The following SLC17A9 variants were observed in gnomAD, a reference collection of about 807,000 sequenced individuals.
The protein encoded by SLC17A9 is voltage-gated purine nucleotide uniporter SLC17A9.
A neutral mutation model predicts 55.0 loss-of-function variants in SLC17A9; 49 were observed. The ratio of observed to expected loss-of-function variants is 0.89; its 90% CI spans 0.71 to 1.13. The LOEUF (loss-of-function observed/expected upper bound fraction) is 1.13. SLC17A9 is among the 50% of genes most tolerant of loss of function. The pLI is 0.00. For synonymous variants in SLC17A9, 256 were observed against 247.4 expected, an observed-to-expected ratio of 1.03 and a Z score of -0.32; for missense variants, 526 against 569.3, an observed-to-expected ratio of 0.92 and a Z score of 0.77.
At position 62,952,804 on chromosome 20, in the gene SLC17A9, C is replaced by A; in HGVS notation, c.-27C>A. 6.5e-7 allele frequency: 1 copy of A among 1,534,164 alleles called. No individual in the cohort carries two copies. The highest frequency in any genetic ancestry group is 8.7e-7 in the Non-Finnish European group (1 of 1,145,050). On this transcript the variant is annotated 5_prime_UTR_variant, in exon 1 of 13. Transcript: ENST00000370351. ...AGGCAGCCCCGGGACACAGCTGTGC[C>A]CACGCCGTCTGAGCACCCCAAGCCC...
chr20:62,966,842 G>A, intron 12 of SLC17A9, 110 bp downstream of exon 12: 2 of 1,398,176 alleles, frequency 1.4e-6, no homozygotes, highest in Non-Finnish European at 1.9e-6. Context: ...CCGGGTGTCA[G>A]AGGAGGGCAC....
chr20:62,963,171 C>A, intron 5 of SLC17A9, 102 bp from the exon 6 acceptor site: 2 of 1,217,810 alleles, frequency 1.6e-6, no homozygotes, highest in Non-Finnish European at 2.3e-6. Flanking sequence ...ATGGACGAGG[C>A]CTGCTGACCC....
At position 62,957,649 on chromosome 20, in the gene SLC17A9, G is replaced by T. The variant is rs987923508; in HGVS notation, c.397+69G>T. On this transcript the variant is annotated intron_variant, in intron 3 of 12. Coordinates refer to ENST00000370351, the MANE Select transcript of SLC17A9 (RefSeq NM_022082.4). ...GTGGGGAGACAAGGGGGGTGTGCACGGATGTGTGTGCAGGTGCATGCGTGC... is the reference window on the plus strand; with the variant it reads ...GTGGGGAGACAAGGGGGGTGTGCACTGATGTGTGTGCAGGTGCATGCGTGC... 3.7e-5 allele frequency: 50 copies of T among 1,359,258 alleles called. No homozygotes were observed. The South Asian group carries it at 6.9e-4, about 19-fold the overall frequency. 84.2% of individuals were successfully genotyped at this position (1,359,258 alleles called of 1,614,324 possible). A position where few individuals can be genotyped will look rare whatever the true frequency, so the allele number is the denominator to read the frequency against.
At chr20:62,964,049 G>A in intron 7 of SLC17A9, 179 bp from the exon 8 acceptor site, 1 of 687,214 alleles carries the variant, frequency 1.5e-6, no homozygotes, top group Non-Finnish European at 2.6e-6. Context: ...CTCTGAGGCT[G>A]TCTTGCTGCC....
At chr20:62,967,102 G>T in intron 12 of SLC17A9, 2 of 592,844 alleles carry the variant, frequency 3.4e-6, no homozygotes, top group South Asian at 4.3e-5. Flanking sequence ...GGACAAAGGG[G>T]ACTTGTTACC....
intron 3 of SLC17A9, among the ~76,000 whole-genome samples, chr20:62,959,958 G>C (rs2065575120): frequency 6.6e-6 from 1 of 152,226 alleles, no homozygotes; most frequent in Admixed American, 6.5e-5. Flanking sequence ...GAGAACACTT[G>C]GTCCAAAAGA....
intron 9 of SLC17A9, 115 bp downstream of exon 9, chr20:62,965,281 G>A (rs1460814869): frequency 8.7e-6 from 12 of 1,383,910 alleles, no homozygotes; most frequent in South Asian, 4.7e-5. Flanking sequence ...GCAAATGCCA[G>A]GCCTCTCCAT....
chr20:62,963,559 C>G, intron 6 of SLC17A9, 25 bp from the exon 7 acceptor site: 1 of 1,574,064 alleles, frequency 6.4e-7, no homozygotes, highest in Non-Finnish European at 8.6e-7. Context: ...GCACCAGAGT[C>G]ACGGTCCACC....
intron 1 of SLC17A9, among the ~76,000 whole-genome samples, chr20:62,954,553 C>T (rs147497168): frequency 9.8e-4 from 149 of 152,334 alleles, no homozygotes; most frequent in African/African-American, 3.3e-3. Flanking sequence ...CAAAGCTTTC[C>T]GGTTCTTGGC....
chr20:62,963,081 G>A (rs3810460), intron 5 of SLC17A9, 192 bp from the exon 6 acceptor site: 368,729 of 668,988 alleles, frequency 0.55, 104,364 homozygotes, highest in East Asian at 0.73. Flanking sequence ...TTCAGAACGC[G>A]GTTCTCAAAG....
At chr20:62,959,187 T>A (rs1240013302) in intron 3 of SLC17A9, among the ~76,000 whole-genome samples, 1 of 152,200 alleles carries the variant, frequency 6.6e-6, no homozygotes, top group African/African-American at 2.4e-5. Context: ...CGGACTGGGC[T>A]GACCAATGCC....
chr20:62,957,730 CTG>C lies in SLC17A9; in HGVS notation c.397+161_397+162del, dbSNP rs1271825979. ...GGCATGCCCGCGTGCATGCGTGCAC[CTG>C]TGTGTGTGTGCGTGTGTAAGTGTGT... On this transcript the variant is annotated intron_variant, in intron 3 of 12. Coordinates refer to ENST00000370351, the MANE Select transcript of SLC17A9 (RefSeq NM_022082.4). 231 of 602,086 alleles carry C rather than the reference CTG, an allele frequency of 3.8e-4. 1 individual carries two copies. The highest frequency in any genetic ancestry group is 3.1e-3 in the East Asian group (89 of 28,874). 37.3% of individuals were successfully genotyped at this position (602,086 alleles called of 1,614,324 possible).
rs1300099583 is a variant in SLC17A9 at position 62,969,012 on chromosome 20, A to G, written c.*1512A>G. 6.6e-6 allele frequency: 1 copy of G among 152,172 alleles called. No individual in the cohort carries two copies. Among genetic ancestry groups the G allele is most frequent in the Non-Finnish European group, 1.5e-5 (1 of 68,058 alleles). The allele number at this position is 152,172 out of a possible 1,614,324, so 9.4% of individuals were successfully genotyped here. A position where few individuals can be genotyped will look rare whatever the true frequency, so the allele number is the denominator to read the frequency against. ...CACCATGGGTACAGCCTAGAGCATC[A>G]CCCCCACAGAGGCTTCGGGACGGTC... is the stretch of plus-strand genomic sequence containing the variant. On this transcript the variant is annotated 3_prime_UTR_variant, in exon 13 of 13. Coordinates refer to ENST00000370351, the MANE Select transcript of SLC17A9 (RefSeq NM_022082.4).
rs765634710 is a variant in SLC17A9, at chr20:62,957,624, G to C, written c.397+44G>C. The C allele has an allele frequency of 6.8e-6, 10 of 1,472,706 alleles. No homozygotes were observed. In the South Asian group the frequency reaches 1.4e-4, roughly 21 times the overall value. 91.2% of individuals were successfully genotyped at this position (1,472,706 alleles called of 1,614,324 possible). A position where few individuals can be genotyped will look rare whatever the true frequency, so the allele number is the denominator to read the frequency against. ...GCTCCCTCACGCTCTCTGGCACCAG[G>C]TGGGGAGACAAGGGGGGTGTGCACG... is the stretch of plus-strand genomic sequence containing the variant. On this transcript the variant is annotated intron_variant, in intron 3 of 12. Coordinates refer to ENST00000370351, the MANE Select transcript of SLC17A9 (RefSeq NM_022082.4).
In SLC17A9 at chr20:62,957,186, C is replaced by T. The variant is rs900584479; in HGVS notation, c.257+224C>T. ...GGATAAATCTGGGCAGAAGACCCCC[C>T]CAGAGGAAGATGGGAGCTGGGAGGG... On this transcript the variant is annotated intron_variant, in intron 2 of 12. Transcript: ENST00000370351. 17 of 985,012 alleles carry T rather than the reference C, an allele frequency of 1.7e-5. No individual in the cohort carries two copies. The African/African-American group carries it at 2.6e-4, about 15-fold the overall frequency. The allele number at this position is 985,012 out of a possible 1,614,324, so 61.0% of individuals were successfully genotyped here.
chr20:62,953,281 C>T, intron 1 of SLC17A9: 2 of 1,548,930 alleles, frequency 1.3e-6, no homozygotes, highest in Non-Finnish European at 1.7e-6. Flanking sequence ...AGGTAGGGGG[C>T]ACGGGCTGGA....
chr20:62,962,611 CCT>C lies in SLC17A9; in HGVS notation c.498-12_498-11del, dbSNP rs764260097. ...CGCTGAGGGGCCTGGCCACACTCCC[CCT>C]GTCTTTGCAGGACGCTGCTGACCGG... On this transcript the variant is annotated splice_polypyrimidine_tract_variant and intron_variant, in intron 4 of 12. Transcript: ENST00000370351. The surrounding 1 kb of genome is among the most constrained non-coding windows in gnomAD (Gnocchi z 5.5). The C allele has an allele frequency of 2.4e-5, 39 of 1,613,312 alleles. No individual in the cohort carries two copies. In the Admixed American group the frequency reaches 4.8e-4, roughly 20 times the overall value.
At chr20:62,959,363 CACATTCTGTTTTCTAGAA>C (rs2065569392) in intron 3 of SLC17A9, among the ~76,000 whole-genome samples, 2 of 152,226 alleles carry the variant, frequency 1.3e-5, no homozygotes, top group African/African-American at 4.8e-5. Flanking sequence ...GCACCTGAGG[CACATTCTGTTTTCTAGAA>C]ACCTTCAAAG....
At position 62,963,374 on chromosome 20, in the gene SLC17A9, GCTGGGA is replaced by G. The variant is rs1568916080; in HGVS notation, c.725+7_725+12del. On this transcript the variant is annotated splice_donor_region_variant and intron_variant, in intron 6 of 12. Transcript: ENST00000370351. Reference sequence around the variant, plus strand: ...CTTCCGGAAGCCTGCTGTCTGGTGAGCTGGGACCTGTGCCACCCCTTGGAGCAGCGG... The same window carrying G: ...CTTCCGGAAGCCTGCTGTCTGGTGAGCCTGTGCCACCCCTTGGAGCAGCGG... 1 of 1,613,048 alleles carries G rather than the reference GCTGGGA, an allele frequency of 6.2e-7. No homozygotes were observed. The highest frequency in any genetic ancestry group is 1.1e-5 in the South Asian group (1 of 90,960).
Sources: allele counts gnomAD v4.1 joint callset (sites outside exome capture counted in the v4.1 genomes callset), GRCh38; gene constraint gnomAD v4.1.1; non-coding constraint Gnocchi (gnomAD v3.1); transcripts MANE v1.5; gene names NCBI Gene and HGNC (gene_info 2026-07-23, HGNC 2026-07-21).